The following CRYBG2 variants were observed in gnomAD, a reference collection of about 807,000 sequenced individuals.
CRYBG2 encodes crystallin beta-gamma domain containing 2, also known as beta/gamma crystallin domain-containing protein 2.
A neutral mutation model predicts 153.4 loss-of-function variants in CRYBG2; 106 were observed. The ratio of observed to expected loss-of-function variants is 0.69; its 90% CI spans 0.59 to 0.81. The LOEUF is 0.81. Among genes scored for constraint, CRYBG2 ranks in the 30% least tolerant of loss-of-function variants. The probability of loss-of-function intolerance (pLI) is 0.00; values close to 1 mark genes in which losing one functional copy is unlikely to be tolerated. For missense variants in CRYBG2, 1,996 were observed against 2,112.0 expected (o/e 0.95, Z 1.08); for synonymous variants, 851 against 877.8 (o/e 0.97, Z 0.54).
rs925872154 is a variant in CRYBG2 at position 26,322,029 on chromosome 1, A to T, written c.4925T>A (p.Val1642Glu). Residue 1642 changes from valine (V) to glutamate (E), a missense_variant, in exon 20 of 20, where the codon GTG (valine) becomes GAG (glutamate). By Grantham distance (121) the Val-to-Glu change is moderately radical (BLOSUM62 -2). Transcript: ENST00000308182. ...KGGRGYDRDHVVLWEPDEDRA... is the reference protein window; with the variant it reads ...KGGRGYDRDHEVLWEPDEDRA... Reference sequence around the variant, plus strand: ...GTCCTCATCCGGCTCCCATAGCACCACGTGGTCCCGGTCGTAGCCCCGGCC... The same window carrying T: ...GTCCTCATCCGGCTCCCATAGCACCTCGTGGTCCCGGTCGTAGCCCCGGCC... 1.2e-6 allele frequency: 2 copies of T among 1,607,390 alleles called. No individual in the cohort carries two copies. The highest frequency in any genetic ancestry group is 8.5e-7 in the Non-Finnish European group (1 of 1,174,558).
intron 5 of CRYBG2, among the ~76,000 whole-genome samples, chr1:26,340,743 G>C (rs1444421895): frequency 6.6e-6 from 1 of 151,982 alleles, no homozygotes; most frequent in African/African-American, 2.4e-5. Context: ...CTCCCAAGTA[G>C]CTGGGATTAC....
chr1:26,344,298 C>T lies in CRYBG2; in HGVS notation c.2360G>A (p.Arg787Gln), dbSNP rs756237085. 2.4e-5 allele frequency: 37 copies of T among 1,511,850 alleles called. No individual in the cohort carries two copies. The highest frequency in any genetic ancestry group is 3.7e-5 in the South Asian group (3 of 80,666). The allele number at this position is 1,511,850 out of a possible 1,614,324, so 93.7% of individuals were successfully genotyped here. A position where few individuals can be genotyped will look rare whatever the true frequency, so the allele number is the denominator to read the frequency against. The change falls in exon 2 of 20, where the codon CGA (arginine) becomes CAA (glutamine). Residue 787 changes from arginine to glutamine, a missense_variant. Transcript: ENST00000308182. ...GGACAGGTAGGAGGAGCGAGGGGCT[C>T]GTGGCAGCCGGTGAGTGCGGAGGAT... Reference protein sequence around the residue: ...PEILRTHRLPRAPRSSYLSMY... With the variant: ...PEILRTHRLPQAPRSSYLSMY...
rs1370178606 is a variant in CRYBG2, at chr1:26,337,267, G to C, written c.3757C>G (p.Arg1253Gly). 1.4e-5 allele frequency: 23 copies of C among 1,613,954 alleles called. No individual in the cohort carries two copies. Among genetic ancestry groups the C allele is most frequent in the Non-Finnish European group, 1.8e-5 (21 of 1,179,996 alleles). ...GGYDELLTSLRVIRTDFGDPA... is the reference protein window; with the variant it reads ...GGYDELLTSLGVIRTDFGDPA... ...CCTTTGCTTACCGTCCGGATGACCCGGAGGGAGGTCAGCAACTCGTCATAG... is the reference window on the plus strand; with the variant it reads ...CCTTTGCTTACCGTCCGGATGACCCCGAGGGAGGTCAGCAACTCGTCATAG... The change falls in exon 10 of 20, where the codon CGG becomes GGG. Residue 1253 changes from arginine (R) to glycine (G), a missense_variant. Arg to Gly is a moderately radical substitution (Grantham distance 125). Transcript: ENST00000308182.
chr1:26,338,145 A>G (rs1047042607), intron 7 of CRYBG2, 98 bp from the exon 8 acceptor site: 38 of 1,497,700 alleles, frequency 2.5e-5, no homozygotes, highest in Non-Finnish European at 3.2e-5. Flanking sequence ...CCCCAACCCC[A>G]TGTCTTCCCT....
In CRYBG2 at chr1:26,336,040, T is replaced by G; in HGVS notation, c.4184+55A>C. 2 of 1,344,390 alleles carry G rather than the reference T, an allele frequency of 1.5e-6. No homozygotes were observed. The highest frequency in any genetic ancestry group is 3.0e-5 in the African/African-American group (2 of 67,438). The allele number at this position is 1,344,390 out of a possible 1,614,324, so 83.3% of individuals were successfully genotyped here. On this transcript the variant is annotated intron_variant, in intron 14 of 19. Transcript: ENST00000308182. The surrounding 1 kb of genome is among the most constrained non-coding windows in gnomAD (Gnocchi z 4.9). ...GAAATCATTTGAAAGACTCTCCTCC[T>G]GCAGCCCCGCCTCTGCCCCAGCGCC...
rs545476402 is a variant in CRYBG2 at position 26,351,851 on chromosome 1, A to G, written c.-56+2185T>C. 9.9e-5 allele frequency among the ~76,000 whole-genome samples: 15 copies of G among 152,222 alleles called. No individual in the cohort carries two copies. In the South Asian group the frequency reaches 2.9e-3, roughly 29 times the overall value. On this transcript the variant is annotated intron_variant, in intron 1 of 19. Transcript: ENST00000308182. The stretch of plus-strand genomic sequence containing the variant: ...AGACTCTGCTGGAATGTGCCTGCCT[A>G]TAGATGCCCCCTTTTGTCCTTGCTC...
intron 1 of CRYBG2, among the ~76,000 whole-genome samples, chr1:26,352,389 G>A (rs923470767): frequency 6.6e-6 from 1 of 152,078 alleles, no homozygotes; most frequent in Non-Finnish European, 1.5e-5. Flanking sequence ...CACAGGCACA[G>A]TGACACACAC....
At position 26,346,100 on chromosome 1, in the gene CRYBG2, A is replaced by T; in HGVS notation, c.558T>A (p.Gly186=). 1 of 1,571,076 alleles carries T rather than the reference A, an allele frequency of 6.4e-7. No homozygotes were observed. The highest frequency in any genetic ancestry group is 8.6e-7 in the Non-Finnish European group (1 of 1,162,616). ...AGCTGCTCATCCGCCGGTCCACATG[A>T]CCTCCCACCACTGTGGTGGTCCGCA... The part of the protein sequence containing the change: ...RTVRTTTVVG[G]HVDRRMSSSV... Residue 186 remains glycine, a synonymous_variant, in exon 2 of 20, where the codon GGT becomes GGA. Coordinates refer to ENST00000308182, the MANE Select transcript of CRYBG2 (RefSeq NM_001039775.4). This position sits in a 1 kb window ranked among gnomAD's most constrained non-coding sequence, Gnocchi z 4.9.
rs1344861191 is a variant in CRYBG2 at position 26,343,959 on chromosome 1, G to A, written c.2699C>T (p.Pro900Leu). ...LGLELQGGSRPTSRLGGSLLF... is the reference protein window; with the variant it reads ...LGLELQGGSRLTSRLGGSLLF... ...AAGGCTGCCTCCAAGACGGGAAGTG[G>A]GCCTGCTGCCTCCCTGCAGTTCCAA... is the stretch of plus-strand genomic sequence containing the variant. The change falls in exon 2 of 20, where the codon CCC (proline) becomes CTC (leucine). Residue 900 changes from proline (P) to leucine (L), a missense_variant. Physicochemically the swap from Pro to Leu is moderately conservative, Grantham distance 98. Transcript: ENST00000308182. The surrounding 1 kb of genome is among the most constrained non-coding windows in gnomAD (Gnocchi z 4.1). 3 of 1,537,806 alleles carry A rather than the reference G, an allele frequency of 2.0e-6. 1 individual carries two copies. Among genetic ancestry groups the A allele is most frequent in the Non-Finnish European group, 1.7e-6 (2 of 1,146,662 alleles).
At chr1:26,332,301 C>T (rs1331364272) in intron 14 of CRYBG2, among the ~76,000 whole-genome samples, 9 of 116,962 alleles carry the variant, frequency 7.7e-5, no homozygotes, top group Admixed American at 2.0e-4. Context: ...AGCGAGACTC[C>T]GTGTCAAAAA....
rs1216209748 is a variant in CRYBG2, at chr1:26,346,831, T to G, written c.-55-119A>C. 1.6e-6 allele frequency: 1 copy of G among 624,672 alleles called. No individual in the cohort carries two copies. Among genetic ancestry groups the G allele is most frequent in the African/African-American group, 1.8e-5 (1 of 54,650 alleles). 38.7% of individuals were successfully genotyped at this position (624,672 alleles called of 1,614,324 possible). A position where few individuals can be genotyped will look rare whatever the true frequency, so the allele number is the denominator to read the frequency against. On this transcript the variant is annotated intron_variant, in intron 1 of 19. Transcript: ENST00000308182. This position sits in a 1 kb window ranked among gnomAD's most constrained non-coding sequence, Gnocchi z 4.9. ...CCTCAGGCAAATCGCTTGGCCTTTT[T>G]GGGCCATTGCTTTCTCATCTGTGAA...
chr1:26,322,403 C>T, intron 18 of CRYBG2, 80 bp from the exon 19 acceptor site: 1 of 1,474,888 alleles, frequency 6.8e-7, no homozygotes, highest in South Asian at 1.3e-5. Context: ...GACCCATCTG[C>T]TCTGAATCCT....
In CRYBG2 at chr1:26,336,467, C is replaced by T. The variant is rs767238584; in HGVS notation, c.4039-97G>A. Reference sequence around the variant, plus strand: ...ACCGTCCACCCCGCGGCCGCGCCCTCGGCCCCGCCCCCTTCTAAGGCCCCG... The same window carrying T: ...ACCGTCCACCCCGCGGCCGCGCCCTTGGCCCCGCCCCCTTCTAAGGCCCCG... On this transcript the variant is annotated intron_variant, in intron 12 of 19. Coordinates refer to ENST00000308182, the MANE Select transcript of CRYBG2 (RefSeq NM_001039775.4). The surrounding 1 kb of genome is among the most constrained non-coding windows in gnomAD (Gnocchi z 4.9). 7 of 1,553,046 alleles carry T rather than the reference C, an allele frequency of 4.5e-6. No individual in the cohort carries two copies. The African/African-American group carries it at 5.5e-5, about 12-fold the overall frequency.
intron 14 of CRYBG2, among the ~76,000 whole-genome samples, chr1:26,332,251 G>A (rs1335729075): frequency 6.9e-6 from 1 of 145,956 alleles, no homozygotes; most frequent in Non-Finnish European, 1.5e-5. Context: ...AGCTTACAGT[G>A]AGCTGAGATC....
At chr1:26,337,769 C>A in intron 8 of CRYBG2, 95 bp from the exon 9 acceptor site, 1 of 1,492,892 alleles carries the variant, frequency 6.7e-7, no homozygotes, top group East Asian at 2.4e-5. Context: ...TGTGGCACCC[C>A]CCAGCCCTCC....
At chr1:26,347,402 TC>T (rs1304245164) in intron 1 of CRYBG2, among the ~76,000 whole-genome samples, 1 of 149,686 alleles carries the variant, frequency 6.7e-6, no homozygotes, top group Non-Finnish European at 1.5e-5. Flanking sequence ...CAAGTGATCC[TC>T]CTGCCTCAGC....
rs140137184 is a variant in CRYBG2 at position 26,334,574 on chromosome 1, G to A, written c.4184+1521C>T. ...ATTATTTCAAATGTGTTTAAGACAC[G>A]GTAATTTGAACGAATATATAACAAA... On this transcript the variant is annotated intron_variant, in intron 14 of 19. Transcript: ENST00000308182. 2.5e-3 allele frequency among the ~76,000 whole-genome samples: 374 copies of A among 152,178 alleles called. 2 individuals carry two copies. Among genetic ancestry groups the A allele is most frequent in the African/African-American group, 8.4e-3 (347 of 41,504 alleles).
intron 1 of CRYBG2, among the ~76,000 whole-genome samples, chr1:26,353,356 C>G (rs2074305747): frequency 6.6e-6 from 1 of 152,168 alleles, no homozygotes; most frequent in Non-Finnish European, 1.5e-5. Flanking sequence ...CTGGGAGGTT[C>G]CATGTTCATC....
At position 26,346,132 on chromosome 1, in the gene CRYBG2, G is replaced by A. The variant is rs780624733; in HGVS notation, c.526C>T (p.Arg176Cys). 30 of 1,560,412 alleles carry A rather than the reference G, an allele frequency of 1.9e-5. No homozygotes were observed. Among genetic ancestry groups the A allele is most frequent in the Middle Eastern group, 1.7e-4 (1 of 5,916 alleles). Residue 176 changes from arginine to cysteine, a missense_variant, in exon 2 of 20, where the codon CGC (arginine) becomes TGC (cysteine). Coordinates refer to ENST00000308182, the MANE Select transcript of CRYBG2 (RefSeq NM_001039775.4). The surrounding 1 kb of genome is among the most constrained non-coding windows in gnomAD (Gnocchi z 4.9). ...SRSLEEYRVT[R>C]TVRTTTVVGG... ...ACCACTGTGGTGGTCCGCACAGTGC[G>A]TGTCACTCGGTATTCCTCGAGGCTC... is the stretch of plus-strand genomic sequence containing the variant.
Sources: allele counts gnomAD v4.1 joint callset (sites outside exome capture counted in the v4.1 genomes callset), GRCh38; gene constraint gnomAD v4.1.1; non-coding constraint Gnocchi (gnomAD v3.1); transcripts MANE v1.5; gene names NCBI Gene and HGNC (gene_info 2026-07-23, HGNC 2026-07-21).